TVP23C: variants seen among roughly 807,000 people sequenced by gnomAD.
The protein encoded by TVP23C is Golgi apparatus membrane protein TVP23 homolog C.
A neutral mutation model predicts 28.7 loss-of-function variants in TVP23C; 19 were observed. That is an observed-to-expected ratio of 0.66 (90% CI 0.46 to 0.97). The LOEUF (loss-of-function observed/expected upper bound fraction) is 0.97. TVP23C is among the 50% of genes least tolerant of loss of function. TVP23C has a pLI of 0.00. For missense variants in TVP23C, 186 were observed against 241.3 expected, an observed-to-expected ratio of 0.77 and a Z score of 1.52; for synonymous variants, 68 against 81.7, an observed-to-expected ratio of 0.83 and a Z score of 0.90.
intron 3 of TVP23C, among the ~76,000 whole-genome samples, chr17:15,549,605 G>A (rs1261470721): frequency 2.0e-5 from 3 of 151,878 alleles, no homozygotes; most frequent in Admixed American, 6.6e-5. Flanking sequence ...CTTGAACCCC[G>A]GGAGGCAGAG....
intron 1 of TVP23C, 118 bp downstream of exon 1, chr17:15,563,319 G>T (rs1462819903): frequency 2.0e-5 from 30 of 1,500,812 alleles, no homozygotes; most frequent in Non-Finnish European, 1.4e-5. Flanking sequence ...ACTCCCGGCC[G>T]CCCCGCTCCT....
downstream of TVP23C, among the ~76,000 whole-genome samples, chr17:15,536,046 G>A (rs570706934): frequency 3.0e-4 from 45 of 152,140 alleles, no homozygotes; most frequent in African/African-American, 1.1e-3. Context: ...ACAAAAATTA[G>A]CCAGGTGTAG....
Position 15,537,070 on chromosome 17 carries a change from T to C in TVP23C, c.*3342A>G, listed in dbSNP as rs1403715567. ...TAAGACACTTATTCAATTAAACAAATAATCTTAAAAACTATTTTAACAATG... is the reference window on the plus strand; with the variant it reads ...TAAGACACTTATTCAATTAAACAAACAATCTTAAAAACTATTTTAACAATG... On this transcript the variant is annotated 3_prime_UTR_variant, in exon 6 of 6. Coordinates refer to ENST00000518321, the MANE Select transcript of TVP23C (RefSeq NM_001135036.2). 9.4e-6 allele frequency: 2 copies of C among 213,780 alleles called. No homozygotes were observed. The highest frequency in any genetic ancestry group is 5.0e-5 in the African/African-American group (2 of 39,918). 13.2% of individuals were successfully genotyped at this position (213,780 alleles called of 1,614,324 possible).
intron 5 of TVP23C, among the ~76,000 whole-genome samples, chr17:15,525,518 G>T (rs1190583700): frequency 6.6e-6 from 1 of 152,244 alleles, no homozygotes; most frequent in Non-Finnish European, 1.5e-5. Context: ...ACAAAACTAA[G>T]ATTTTCCTGA....
chr17:15,524,861 A>T (rs910475402), intron 5 of TVP23C, among the ~76,000 whole-genome samples: 6 of 152,214 alleles, frequency 3.9e-5, no homozygotes, highest in Non-Finnish European at 5.9e-5. Context: ...TGCCAGCTGA[A>T]ACCTAAGAAC....
At chr17:15,508,202 G>C (rs191014910) in intron 5 of TVP23C, among the ~76,000 whole-genome samples, 5 of 152,302 alleles carry the variant, frequency 3.3e-5, no homozygotes. Context: ...GCATCTCTCA[G>C]TTGGTGAGGA....
At chr17:15,503,936 G>A (rs573682711) in intron 5 of TVP23C, among the ~76,000 whole-genome samples, 1 of 152,186 alleles carries the variant, frequency 6.6e-6, no homozygotes, top group South Asian at 2.1e-4. Flanking sequence ...AAGGGTGGGA[G>A]GAAGTGAATG....
chr17:15,510,622 T>G (rs1981958392), intron 5 of TVP23C, among the ~76,000 whole-genome samples: 1 of 152,230 alleles, frequency 6.6e-6, no homozygotes, highest in South Asian at 2.1e-4. Context: ...AATTCCTCTA[T>G]GATTACCCAT....
At chr17:15,529,732 CTT>C (rs1427825283) in intron 5 of TVP23C, among the ~76,000 whole-genome samples, 1 of 152,128 alleles carries the variant, frequency 6.6e-6, no homozygotes, top group Non-Finnish European at 1.5e-5. Context: ...CTACCTGTGT[CTT>C]TGAATCTAAA....
intron 5 of TVP23C, among the ~76,000 whole-genome samples, chr17:15,507,825 C>A (rs904202144): frequency 2.6e-5 from 4 of 151,690 alleles, no homozygotes; most frequent in African/African-American, 9.7e-5. Flanking sequence ...GGTGACAGAG[C>A]GAGACTCCAT....
Position 15,561,622 on chromosome 17 carries a change from G to GAATAAATAAATA in TVP23C, c.12+1814_12+1815insTATTTATTTATT, listed in dbSNP as rs1406997651. Among the ~76,000 whole-genome samples, 12 of 107,798 alleles carry GAATAAATAAATA rather than the reference G, an allele frequency of 1.1e-4. No individual in the cohort carries two copies. The East Asian group carries it at 1.6e-3, about 15-fold the overall frequency. The allele number at this position is 107,798 out of a possible 152,430, so 70.7% of individuals were successfully genotyped here. A position where few individuals can be genotyped will look rare whatever the true frequency, so the allele number is the denominator to read the frequency against. On this transcript the variant is annotated intron_variant, in intron 1 of 5. Coordinates refer to ENST00000518321, the MANE Select transcript of TVP23C (RefSeq NM_001135036.2). ...CTCATAAATGAATGAATGAATGAAT[G>GAATAAATAAATA]AATGAATGAATAAATAAATAAATAA...
chr17:15,549,922 A>G (rs561936995), intron 3 of TVP23C, among the ~76,000 whole-genome samples: 2 of 144,952 alleles, frequency 1.4e-5, no homozygotes, highest in East Asian at 2.0e-4. Flanking sequence ...GATGCTAAGT[A>G]AAAAAAAAAA....
In TVP23C at chr17:15,546,689, G is replaced by A. The variant is rs575896944; in HGVS notation, c.330+370C>T. Among the ~76,000 whole-genome samples the A allele has an allele frequency of 1.1e-3, 164 of 147,262 alleles. 1 individual carries two copies. Among genetic ancestry groups the A allele is most frequent in the African/African-American group, 3.8e-3 (152 of 39,794 alleles). On this transcript the variant is annotated intron_variant, in intron 4 of 5. Coordinates refer to ENST00000518321, the MANE Select transcript of TVP23C (RefSeq NM_001135036.2). ...TTTTTCCTGCCCAGAAATGAAAGAC[G>A]ACCACAGGAGCAAAGACAGAACAAG...
chr17:15,540,665 A>C lies in TVP23C; in HGVS notation c.463-104T>G, dbSNP rs558406362. ...GACTGTCATGAGAAAGAGAAGGAAGAGGAAGCTCTGCAAAGCCATGATTGT... is the reference window on the plus strand; with the variant it reads ...GACTGTCATGAGAAAGAGAAGGAAGCGGAAGCTCTGCAAAGCCATGATTGT... On this transcript the variant is annotated intron_variant, in intron 5 of 5. Coordinates refer to ENST00000518321, the MANE Select transcript of TVP23C (RefSeq NM_001135036.2). The C allele has an allele frequency of 6.7e-4, 432 of 642,334 alleles. 2 individuals carry two copies. The African/African-American group carries it at 6.8e-3, about 10-fold the overall frequency. The allele number at this position is 642,334 out of a possible 1,614,324, so 39.8% of individuals were successfully genotyped here.
intron 5 of TVP23C, among the ~76,000 whole-genome samples, chr17:15,523,613 A>ATT (rs757429635): frequency 7.3e-6 from 1 of 136,516 alleles, no homozygotes. Flanking sequence ...TGGCTGGAAG[A>ATT]TTTTTTTTTT....
chr17:15,556,412 A>G (rs1034219087), intron 1 of TVP23C, among the ~76,000 whole-genome samples: 3 of 138,748 alleles, frequency 2.2e-5, no homozygotes, highest in African/African-American at 5.5e-5. Flanking sequence ...CTCAGGCTGG[A>G]GTGCAGTGGC....
exon 6 of TVP23C, chr17:15,502,948 G>C (rs757689509): frequency 5.0e-6 from 8 of 1,613,982 alleles, no homozygotes; most frequent in Non-Finnish European, 6.8e-6. Flanking sequence ...CTCCCCTCCA[G>C]GCCCAAAGCC....
chr17:15,524,204 G>A (rs562661199), intron 5 of TVP23C, among the ~76,000 whole-genome samples: 1 of 151,974 alleles, frequency 6.6e-6, no homozygotes, highest in South Asian at 2.1e-4. Context: ...AAATTAGCAT[G>A]ACCTTCCTTT....
downstream of TVP23C, among the ~76,000 whole-genome samples, chr17:15,532,094 C>A (rs1982971456): frequency 6.6e-6 from 1 of 152,168 alleles, no homozygotes; most frequent in Non-Finnish European, 1.5e-5. Flanking sequence ...AAGTCTCTCA[C>A]CTTTACCTGA....
Sources: allele counts gnomAD v4.1 joint callset (sites outside exome capture counted in the v4.1 genomes callset), GRCh38; gene constraint gnomAD v4.1.1; transcripts MANE v1.5; gene names NCBI Gene and HGNC (gene_info 2026-07-23, HGNC 2026-07-21).